LINGO2: variants seen among roughly 807,000 people sequenced by gnomAD.
LINGO2 encodes the protein leucine rich repeat and Ig domain containing 2, also known as leucine-rich repeat and immunoglobulin-like domain-containing nogo receptor-interacting protein 2.
In LINGO2, 14 loss-of-function variants were observed where a neutral mutation model predicts 30.6. The ratio of observed to expected loss-of-function variants is 0.46; its 90% CI spans 0.30 to 0.72. LINGO2 has a LOEUF of 0.72. Ranked by LOEUF, LINGO2 falls within the 30% of genes least tolerant of loss-of-function variation. LINGO2 has a pLI of 0.07. For synonymous variants in LINGO2, 317 were observed against 288.5 expected (o/e 1.10, Z -1.00); for missense variants, 729 against 751.7 (o/e 0.97, Z 0.35).
the LINGO2 span, among the ~76,000 whole-genome samples, chr9:29,016,755 T>C: frequency 6.6e-6 from 1 of 152,154 alleles, no homozygotes; most frequent in Non-Finnish European, 1.5e-5. Flanking sequence ...AATGGCATAA[T>C]AAAATGTAAA....
chr9:28,656,416 C>G (rs536607839), intron 1 of LINGO2, among the ~76,000 whole-genome samples: 41 of 151,998 alleles, frequency 2.7e-4, no homozygotes, highest in African/African-American at 9.4e-4. Context: ...AAATTAATCG[C>G]CCTAGTAATA....
intron 4 of LINGO2, among the ~76,000 whole-genome samples, chr9:28,264,958 T>G (rs1822694554): frequency 6.6e-6 from 1 of 151,814 alleles, no homozygotes; most frequent in Non-Finnish European, 1.5e-5. Flanking sequence ...GAAGAAGAAA[T>G]TCTGCCTCAA....
rs1310642150 is a variant in LINGO2, at chr9:28,108,199, T to C, written c.-86-95794A>G. ...CAATACCCAGTGACTCAATACCAAA[T>C]GCTATCTTTGAAAGGGAACACAGAC... On this transcript the variant is annotated intron_variant, in intron 4 of 5. Transcript: ENST00000379992. Among the ~76,000 whole-genome samples, 3 of 152,122 alleles carry C rather than the reference T, an allele frequency of 2.0e-5. No individual in the cohort carries two copies. In the East Asian group the frequency reaches 5.8e-4, roughly 29 times the overall value.
the LINGO2 span, among the ~76,000 whole-genome samples, chr9:28,808,947 A>G: frequency 6.6e-6 from 1 of 152,152 alleles, no homozygotes; most frequent in Non-Finnish European, 1.5e-5. Flanking sequence ...GTGCTGGGAG[A>G]AGCACTGGCA....
the LINGO2 span, among the ~76,000 whole-genome samples, chr9:28,969,479 A>C: frequency 6.6e-6 from 1 of 152,234 alleles, no homozygotes; most frequent in East Asian, 1.9e-4. Context: ...TTTTGAGCTG[A>C]AGAGAAATAA....
At chr9:28,800,805 C>T in the LINGO2 span, among the ~76,000 whole-genome samples, 3 of 152,002 alleles carry the variant, frequency 2.0e-5, no homozygotes, top group Non-Finnish European at 4.4e-5. Flanking sequence ...AATACACTGG[C>T]TCATCTTTTC....
At chr9:28,958,819 T>C in the LINGO2 span, among the ~76,000 whole-genome samples, 1 of 151,774 alleles carries the variant, frequency 6.6e-6, no homozygotes, top group Non-Finnish European at 1.5e-5. Context: ...AGGTTGGCCA[T>C]GGCAATGATA....
chr9:28,235,539 T>C (rs930715771), intron 4 of LINGO2, among the ~76,000 whole-genome samples: 2 of 152,160 alleles, frequency 1.3e-5, no homozygotes, highest in Non-Finnish European at 2.9e-5. Flanking sequence ...ATATGTAACC[T>C]TTCAGACACA....
At chr9:28,652,993 C>T (rs1005169043) in intron 1 of LINGO2, among the ~76,000 whole-genome samples, 3 of 152,000 alleles carry the variant, frequency 2.0e-5, no homozygotes, top group Non-Finnish European at 4.4e-5. Context: ...CCAGATAAAA[C>T]TTACAAGGAT....
At chr9:28,308,346 A>C (rs1422172169) in intron 3 of LINGO2, among the ~76,000 whole-genome samples, 2 of 131,918 alleles carry the variant, frequency 1.5e-5, no homozygotes, top group South Asian at 2.5e-4. Flanking sequence ...TTCCCTATTT[A>C]ATAAATGGTG....
chr9:28,495,709 T>C (rs1201755547), intron 1 of LINGO2, among the ~76,000 whole-genome samples: 4 of 152,220 alleles, frequency 2.6e-5, no homozygotes, highest in Admixed American at 1.3e-4. Flanking sequence ...AGCTTTTGAA[T>C]GTGTTTGCTC....
chr9:29,068,100 C>T, the LINGO2 span, among the ~76,000 whole-genome samples: 1 of 151,744 alleles, frequency 6.6e-6, no homozygotes, highest in East Asian at 1.9e-4. Context: ...TTTATTCTCC[C>T]TGACAAAAGT....
chr9:28,854,232 T>C, the LINGO2 span, among the ~76,000 whole-genome samples: 1 of 151,938 alleles, frequency 6.6e-6, no homozygotes, highest in Non-Finnish European at 1.5e-5. Flanking sequence ...AGCTAACTCT[T>C]CATAAAATGC....
intron 3 of LINGO2, among the ~76,000 whole-genome samples, chr9:28,343,535 A>G (rs1819444851): frequency 1.3e-5 from 2 of 152,340 alleles, no homozygotes; most frequent in Admixed American, 6.5e-5. Flanking sequence ...ACTGATAGAC[A>G]TCGTGATAAA....
At chr9:28,700,189 T>G in the LINGO2 span, among the ~76,000 whole-genome samples, 1 of 151,986 alleles carries the variant, frequency 6.6e-6, no homozygotes, top group African/African-American at 2.4e-5. Flanking sequence ...ATTCCTCTCT[T>G]TGTACTCTTT....
At chr9:28,159,604 G>A (rs112473227) in intron 4 of LINGO2, among the ~76,000 whole-genome samples, 7 of 149,080 alleles carry the variant, frequency 4.7e-5, no homozygotes, top group Non-Finnish European at 5.9e-5. Flanking sequence ...TTTCTGATAC[G>A]AAATTTTCTT....
intron 3 of LINGO2, among the ~76,000 whole-genome samples, chr9:28,314,233 C>T (rs184959713): frequency 8.5e-5 from 13 of 152,262 alleles, no homozygotes; most frequent in African/African-American, 2.9e-4. Flanking sequence ...CGCGCCCGGC[C>T]GAGAATTGAT....
the LINGO2 span, among the ~76,000 whole-genome samples, chr9:29,027,076 T>C: frequency 6.6e-6 from 1 of 152,096 alleles, no homozygotes; most frequent in Non-Finnish European, 1.5e-5. Flanking sequence ...TATAAATCAG[T>C]GATTAGTGTG....
chr9:28,472,505 T>G (rs1038511073), intron 2 of LINGO2, among the ~76,000 whole-genome samples: 1 of 152,046 alleles, frequency 6.6e-6, no homozygotes, highest in African/African-American at 2.4e-5. Context: ...TTTGTCTAAG[T>G]TTACTATTAG....
Sources: allele counts gnomAD v4.1 joint callset (sites outside exome capture counted in the v4.1 genomes callset), GRCh38; gene constraint gnomAD v4.1.1; transcripts MANE v1.5; gene names NCBI Gene and HGNC (gene_info 2026-07-23, HGNC 2026-07-21).